The following DPP10 variants were observed in gnomAD, a reference collection of about 807,000 sequenced individuals.
DPP10 encodes the protein dipeptidyl peptidase like 10.
A neutral mutation model predicts 120.9 loss-of-function variants in DPP10; 33 were observed. The ratio of observed to expected loss-of-function variants is 0.27; its 90% CI spans 0.21 to 0.37. DPP10 has a LOEUF of 0.37. Ranked by LOEUF, DPP10 falls within the 10% of genes least tolerant of loss-of-function variation. The probability of loss-of-function intolerance (pLI) is 1.00; values close to 1 mark genes in which losing one functional copy is unlikely to be tolerated. For synonymous variants in DPP10, 337 were observed against 326.1 expected (o/e 1.03, Z -0.36); for missense variants, 816 against 942.8 (o/e 0.87, Z 1.76).
intron 1 of DPP10, among the ~76,000 whole-genome samples, chr2:114,804,554 G>A (rs543055198): frequency 5.3e-4 from 80 of 152,322 alleles, no homozygotes; most frequent in African/African-American, 1.8e-3. Flanking sequence ...TTGCATCAGC[G>A]TGACCTGGAT....
At chr2:115,324,503 G>C (rs924065295) in intron 2 of DPP10, among the ~76,000 whole-genome samples, 2 of 152,052 alleles carry the variant, frequency 1.3e-5, no homozygotes, top group Admixed American at 1.3e-4. Flanking sequence ...TAGTTTCAAA[G>C]TTTTCTTCTG....
chr2:114,965,481 T>C (rs974301840), intron 1 of DPP10, among the ~76,000 whole-genome samples: 5 of 152,036 alleles, frequency 3.3e-5, no homozygotes, highest in African/African-American at 1.2e-4. Context: ...AACATCCAAG[T>C]GGAGATATCA....
chr2:115,635,366 C>T (rs1287395578), intron 5 of DPP10, among the ~76,000 whole-genome samples: 1 of 152,180 alleles, frequency 6.6e-6, no homozygotes, highest in Non-Finnish European at 1.5e-5. Flanking sequence ...ATGGGTTGCA[C>T]AGATCTGTGG....
intron 3 of DPP10, among the ~76,000 whole-genome samples, chr2:115,451,288 T>C (rs967729054): frequency 6.6e-6 from 1 of 151,844 alleles, no homozygotes; most frequent in Non-Finnish European, 1.5e-5. Context: ...GGTGAAAGGG[T>C]AGAGTTTAAA....
At chr2:114,784,049 A>G (rs968168609) in intron 1 of DPP10, among the ~76,000 whole-genome samples, 1 of 152,066 alleles carries the variant, frequency 6.6e-6, no homozygotes, top group African/African-American at 2.4e-5. Flanking sequence ...CCAGAAGCAC[A>G]AGGGAGTTAA....
rs557992063 is a variant in DPP10 at position 114,928,515 on chromosome 2, G to A, written c.61-380724G>A. Reference sequence around the variant, plus strand: ...GGCTCCCAAGGCTTAGGGCAGCCCTGACCCCATGGCTTTGCTGGGTGCAAT... The same window carrying A: ...GGCTCCCAAGGCTTAGGGCAGCCCTAACCCCATGGCTTTGCTGGGTGCAAT... On this transcript the variant is annotated intron_variant, in intron 1 of 25. Coordinates refer to ENST00000410059, the MANE Select transcript of DPP10 (RefSeq NM_020868.6). 7.9e-5 allele frequency among the ~76,000 whole-genome samples: 12 copies of A among 152,266 alleles called. No individual in the cohort carries two copies. In the South Asian group the frequency reaches 2.3e-3, roughly 29 times the overall value.
intron 11 of DPP10, among the ~76,000 whole-genome samples, chr2:115,758,852 G>A (rs1461160923): frequency 6.6e-6 from 1 of 152,050 alleles, no homozygotes; most frequent in African/African-American, 2.4e-5. Context: ...GGAGAAAAAT[G>A]GTGCTGAAAA....
At chr2:114,523,840 C>T (rs1685271525) in intron 1 of DPP10, among the ~76,000 whole-genome samples, 1 of 152,180 alleles carries the variant, frequency 6.6e-6, no homozygotes, top group Non-Finnish European at 1.5e-5. Flanking sequence ...CCCCTTTTCT[C>T]TCTACTCACC....
intron 1 of DPP10, among the ~76,000 whole-genome samples, chr2:114,547,673 T>C (rs1687531110): frequency 6.6e-6 from 1 of 152,196 alleles, no homozygotes; most frequent in African/African-American, 2.4e-5. Context: ...GGATGTGTAC[T>C]TATGCATATA....
At chr2:115,335,328 A>C (rs1647384554) in intron 2 of DPP10, among the ~76,000 whole-genome samples, 1 of 152,016 alleles carries the variant, frequency 6.6e-6, no homozygotes, top group Non-Finnish European at 1.5e-5. Context: ...CAAATTAACT[A>C]TTTAAATTTA....
At chr2:115,712,546 A>ATATATATATATATATATATATATATATG (rs1559062149) in intron 7 of DPP10, among the ~76,000 whole-genome samples, 1 of 83,846 alleles carries the variant, frequency 1.2e-5, no homozygotes, top group African/African-American at 5.9e-5. Context: ...TGAATTAAAT[A>ATATATATATATATATATATATATATATG]TATATATATA....
intron 1 of DPP10, among the ~76,000 whole-genome samples, chr2:114,986,359 C>CA (rs984799787): frequency 2.0e-5 from 3 of 152,038 alleles, no homozygotes; most frequent in African/African-American, 7.2e-5. Flanking sequence ...TCTTAATTAA[C>CA]AAAAAAACTT....
At chr2:114,725,108 C>T (rs570002321) in intron 1 of DPP10, among the ~76,000 whole-genome samples, 2 of 152,130 alleles carry the variant, frequency 1.3e-5, no homozygotes, top group Non-Finnish European at 2.9e-5. Context: ...CCTTTGAAAA[C>T]CTGCTTGTAA....
intron 1 of DPP10, among the ~76,000 whole-genome samples, chr2:114,818,029 C>T (rs1574260565): frequency 1.3e-5 from 2 of 152,180 alleles, no homozygotes; most frequent in South Asian, 4.2e-4. Context: ...GGGGAAGAAA[C>T]ATTCCGAACT....
chr2:114,504,172 T>C (rs1296246977), intron 1 of DPP10, among the ~76,000 whole-genome samples: 1 of 152,208 alleles, frequency 6.6e-6, no homozygotes, highest in African/African-American at 2.4e-5. Context: ...TCCTGAATTT[T>C]AGAATTTTGT....
chr2:114,508,704 C>T (rs549330189), intron 1 of DPP10, among the ~76,000 whole-genome samples: 11 of 152,054 alleles, frequency 7.2e-5, no homozygotes, highest in South Asian at 2.1e-4. Flanking sequence ...GTAATAAAGC[C>T]GACTTTCATT....
rs765160576 is a variant in DPP10, at chr2:114,748,103, T to C, written c.60+305265T>C. ...ATCTGTCATTTTTATTTTATTTTTC[T>C]AGACATTTATTTTTATTCCATTTTA... On this transcript the variant is annotated intron_variant, in intron 1 of 25. Transcript: ENST00000410059. Among the ~76,000 whole-genome samples the C allele has an allele frequency of 4.2e-4, 64 of 152,132 alleles. 1 individual carries two copies. The highest frequency in any genetic ancestry group is 6.3e-4 in the Non-Finnish European group (43 of 68,016).
intron 5 of DPP10, among the ~76,000 whole-genome samples, chr2:115,572,529 A>G (rs1433570834): frequency 6.6e-6 from 1 of 152,208 alleles, no homozygotes; most frequent in Non-Finnish European, 1.5e-5. Flanking sequence ...TGTTATATGC[A>G]TACAAATGTG....
chr2:115,266,194 A>G (rs1305447801), intron 1 of DPP10, among the ~76,000 whole-genome samples: 5 of 152,180 alleles, frequency 3.3e-5, no homozygotes, highest in African/African-American at 9.6e-5. Flanking sequence ...TGTGAGATAA[A>G]CATGAAACGA....
Sources: allele counts gnomAD v4.1 joint callset (sites outside exome capture counted in the v4.1 genomes callset), GRCh38; gene constraint gnomAD v4.1.1; transcripts MANE v1.5; gene names NCBI Gene and HGNC (gene_info 2026-07-23, HGNC 2026-07-21).